ITGA8: variants seen among roughly 807,000 people sequenced by gnomAD.
ITGA8 encodes the protein integrin alpha-8.
ITGA8 carries 91 observed loss-of-function variants against 142.3 expected under a neutral mutation model. That is an observed-to-expected ratio of 0.64 (90% confidence interval 0.54 to 0.76). The LOEUF is 0.76. Among genes scored for constraint, ITGA8 ranks in the 30% least tolerant of loss-of-function variants. The probability of loss-of-function intolerance (pLI) is 0.00; values close to 1 mark genes in which losing one functional copy is unlikely to be tolerated. For missense variants in ITGA8, 1,406 were observed against 1,327.7 expected (o/e 1.06, Z -0.92); for synonymous variants, 505 against 485.2 (o/e 1.04, Z -0.54).
At chr10:15,548,995 G>A (rs985316785) in intron 26 of ITGA8, among the ~76,000 whole-genome samples, 18 of 152,014 alleles carry the variant, frequency 1.2e-4, no homozygotes, top group African/African-American at 3.4e-4. Flanking sequence ...GTTCCATAAC[G>A]TTCTTCTGTC....
At chr10:15,637,372 G>A (rs972417101) in intron 13 of ITGA8, among the ~76,000 whole-genome samples, 3 of 152,104 alleles carry the variant, frequency 2.0e-5, no homozygotes, top group Admixed American at 2.0e-4. Context: ...GGTATTATCA[G>A]CCCCATCATA....
rs1173607446 is a variant in ITGA8 at position 15,678,168 on chromosome 10, G to A, written c.631-531C>T. Among the ~76,000 whole-genome samples, 5 of 151,984 alleles carry A rather than the reference G, an allele frequency of 3.3e-5. No homozygotes were observed. The East Asian group carries it at 7.7e-4, about 24-fold the overall frequency. On this transcript the variant is annotated intron_variant, in intron 5 of 29. Coordinates refer to ENST00000378076, the MANE Select transcript of ITGA8 (RefSeq NM_003638.3). ...TGCCTCATATCTTTAACTCTCAGTG[G>A]AAAATATAAAAACAAAAAAGTAATG...
At chr10:15,606,494 G>T in intron 17 of ITGA8, 72 bp from the exon 18 acceptor site, 2 of 1,414,578 alleles carry the variant, frequency 1.4e-6, no homozygotes, top group African/African-American at 1.4e-5. Context: ...GCAAAAGTCA[G>T]GCAACACTGG....
chr10:15,655,792 A>G (rs1834173084), intron 10 of ITGA8, among the ~76,000 whole-genome samples: 1 of 152,182 alleles, frequency 6.6e-6, no homozygotes, highest in African/African-American at 2.4e-5. Flanking sequence ...ATGTTGTATG[A>G]AAATATTTTC....
chr10:15,692,473 T>C (rs1834954317), intron 2 of ITGA8, among the ~76,000 whole-genome samples: 1 of 152,222 alleles, frequency 6.6e-6, no homozygotes, highest in African/African-American at 2.4e-5. Context: ...ACTTCAGTTA[T>C]TGATTTCATA....
intron 2 of ITGA8, among the ~76,000 whole-genome samples, chr10:15,714,868 C>T (rs1019937364): frequency 1.3e-5 from 2 of 152,112 alleles, no homozygotes. Flanking sequence ...CAATTGTAGA[C>T]ACCCCAGGGA....
intron 26 of ITGA8, among the ~76,000 whole-genome samples, chr10:15,553,248 C>T (rs1833824036): frequency 6.6e-6 from 1 of 150,850 alleles, no homozygotes; most frequent in Admixed American, 6.6e-5. Flanking sequence ...CAGAACGAGA[C>T]TCTATCTCAA....
intron 19 of ITGA8, among the ~76,000 whole-genome samples, chr10:15,604,717 C>T (rs1181520435): frequency 6.6e-6 from 1 of 151,838 alleles, no homozygotes; most frequent in Admixed American, 6.6e-5. Flanking sequence ...TTTAACATTT[C>T]ACTTACAAGC....
chr10:15,666,160 T>C (rs1588709045), intron 8 of ITGA8, among the ~76,000 whole-genome samples: 1 of 152,200 alleles, frequency 6.6e-6, no homozygotes, highest in East Asian at 1.9e-4. Flanking sequence ...GCATGGAATG[T>C]TCTTCCATTT....
At chr10:15,520,545 T>C (rs1436572006) in intron 28 of ITGA8, among the ~76,000 whole-genome samples, 1 of 152,230 alleles carries the variant, frequency 6.6e-6, no homozygotes, top group East Asian at 1.9e-4. Flanking sequence ...GCTCAGTGTC[T>C]ATGAACCACT....
intron 2 of ITGA8, among the ~76,000 whole-genome samples, chr10:15,714,553 TCCC>T (rs1226019866): frequency 6.6e-6 from 1 of 152,118 alleles, no homozygotes; most frequent in African/African-American, 2.4e-5. Flanking sequence ...TCTTTGCATC[TCCC>T]CCACCAGCAT....
At position 15,613,669 on chromosome 10, in the gene ITGA8, G is replaced by C. The variant is rs746556051; in HGVS notation, c.1544C>G (p.Ser515Cys). ...CACCGGACTAACTCACCAGGCAGCAGATGTCATAGAGTCTGGAACCTGGCA... is the reference window on the plus strand; with the variant it reads ...CACCGGACTAACTCACCAGGCAGCACATGTCATAGAGTCTGGAACCTGGCA... ...KTCQVPDSMT[S>C]AACFSLRVCA... The change falls in exon 15 of 30, where the codon TCT becomes TGT. Residue 515 changes from serine to cysteine, a missense_variant. Transcript: ENST00000378076. 6.2e-7 allele frequency: 1 copy of C among 1,609,160 alleles called. No individual in the cohort carries two copies. The highest frequency in any genetic ancestry group is 1.7e-5 in the Admixed American group (1 of 60,012).
intron 2 of ITGA8, among the ~76,000 whole-genome samples, 172 bp downstream of exon 2, chr10:15,718,594 G>T (rs917641638): frequency 6.6e-6 from 1 of 152,176 alleles, no homozygotes; most frequent in Non-Finnish European, 1.5e-5. Flanking sequence ...TCTTCCTTCA[G>T]TTAACTGAGA....
intron 28 of ITGA8, among the ~76,000 whole-genome samples, chr10:15,527,378 G>A (rs191579018): frequency 1.4e-3 from 219 of 152,220 alleles, no homozygotes; most frequent in African/African-American, 5.2e-3. Flanking sequence ...ACCACCTTTG[G>A]AATTACACAA....
chr10:15,689,789 T>C (rs1175512039), intron 2 of ITGA8, among the ~76,000 whole-genome samples: 1 of 152,220 alleles, frequency 6.6e-6, no homozygotes, highest in Non-Finnish European at 1.5e-5. Context: ...CCAGCCAACC[T>C]GCTGCAGCTC....
intron 6 of ITGA8, among the ~76,000 whole-genome samples, chr10:15,676,917 G>C (rs1485873387): frequency 6.6e-6 from 1 of 152,176 alleles, no homozygotes; most frequent in Non-Finnish European, 1.5e-5. Flanking sequence ...GCTGAGGCAG[G>C]AGAATTGCTT....
chr10:15,607,950 C>T (rs920368529), intron 16 of ITGA8, 119 bp from the exon 17 acceptor site: 27 of 836,438 alleles, frequency 3.2e-5, no homozygotes, highest in Admixed American at 1.5e-4. Flanking sequence ...TAGTTGAGAC[C>T]AAGCATGATA....
intron 4 of ITGA8, among the ~76,000 whole-genome samples, chr10:15,679,686 T>C (rs1421483405): frequency 6.6e-6 from 1 of 152,220 alleles, no homozygotes; most frequent in Non-Finnish European, 1.5e-5. Flanking sequence ...ATGCTAGTGT[T>C]CACAAAAGAG....
At chr10:15,643,753 T>C (rs1470682872) in intron 13 of ITGA8, among the ~76,000 whole-genome samples, 1 of 152,196 alleles carries the variant, frequency 6.6e-6, no homozygotes, top group Non-Finnish European at 1.5e-5. Flanking sequence ...AAATGAAAAC[T>C]TGGGTTGTGA....
Sources: gnomAD v4.1 joint callset for allele counts (sites outside exome capture counted in the v4.1 genomes callset) on GRCh38, gnomAD v4.1.1 for gene constraint, MANE v1.5 for transcripts, NCBI Gene and HGNC (gene_info 2026-07-23, HGNC 2026-07-21) for gene names.